EXD2: variants seen among roughly 807,000 people sequenced by gnomAD.
EXD2 encodes exonuclease 3'-5' domain containing 2.
In EXD2, 40 loss-of-function variants were observed where a neutral mutation model predicts 62.5. The ratio of observed to expected loss-of-function variants is 0.64; its 90% CI spans 0.50 to 0.83. The LOEUF (loss-of-function observed/expected upper bound fraction) is 0.83. Ranked by LOEUF, EXD2 falls within the 40% of genes least tolerant of loss-of-function variation. The pLI is 0.00. For synonymous variants in EXD2, 239 were observed against 291.9 expected (o/e 0.82, Z 1.85); for missense variants, 671 against 761.8 (o/e 0.88, Z 1.40).
At chr14:69,233,752 T>C (rs1047450862) in intron 5 of EXD2, among the ~76,000 whole-genome samples, 6 of 151,298 alleles carry the variant, frequency 4.0e-5, no homozygotes, top group Non-Finnish European at 7.4e-5. Flanking sequence ...AATTTTAGTT[T>C]TGACCACGCT....
intron 1 of EXD2, among the ~76,000 whole-genome samples, chr14:69,198,730 A>C (rs948833938): frequency 3.3e-5 from 5 of 152,218 alleles, no homozygotes; most frequent in Admixed American, 6.5e-5. Flanking sequence ...TGTTCTGTGA[A>C]ATGTGTCATT....
chr14:69,211,366 A>G (rs1036575330), intron 3 of EXD2, among the ~76,000 whole-genome samples: 1 of 151,672 alleles, frequency 6.6e-6, no homozygotes, highest in Non-Finnish European at 1.5e-5. Flanking sequence ...GTTTAATAAC[A>G]TCTTCAGGTT....
intron 3 of EXD2, among the ~76,000 whole-genome samples, chr14:69,226,417 G>A (rs1019074165): frequency 2.0e-5 from 3 of 152,310 alleles, no homozygotes. Flanking sequence ...TCTTTTGTGA[G>A]TTAGATCATG....
chr14:69,237,512 C>T, intron 8 of EXD2, 63 bp from the exon 9 acceptor site: 1 of 1,498,276 alleles, frequency 6.7e-7, no homozygotes, highest in East Asian at 2.3e-5. Context: ...AGCCTGTCTG[C>T]TGTCTTCCCA....
intron 3 of EXD2, among the ~76,000 whole-genome samples, chr14:69,210,632 G>T (rs2042775116): frequency 6.6e-6 from 1 of 152,100 alleles, no homozygotes; most frequent in Non-Finnish European, 1.5e-5. Context: ...GGTCAGCATA[G>T]CGAGACTCCA....
At chr14:69,217,004 C>A (rs2043007785) in intron 3 of EXD2, among the ~76,000 whole-genome samples, 1 of 152,150 alleles carries the variant, frequency 6.6e-6, no homozygotes, top group East Asian at 1.9e-4. Flanking sequence ...CTCCTCCCAA[C>A]CATCCTGGCC....
At chr14:69,227,100 A>G (rs1193680340) in intron 3 of EXD2, among the ~76,000 whole-genome samples, 1 of 152,190 alleles carries the variant, frequency 6.6e-6, no homozygotes, top group Admixed American at 6.5e-5. Flanking sequence ...AGAGTTTCTC[A>G]GCCTCCCCGC....
chr14:69,213,537 ATTTTTT>A (rs746653694), intron 3 of EXD2, among the ~76,000 whole-genome samples: 68 of 76,536 alleles, frequency 8.9e-4, no homozygotes, highest in Non-Finnish European at 2.3e-4. Context: ...CACCTGGATA[ATTTTTT>A]TTTTTTTTTT....
chr14:69,201,117 CT>C (rs1389248201), intron 1 of EXD2, among the ~76,000 whole-genome samples: 5 of 151,756 alleles, frequency 3.3e-5, no homozygotes, highest in Admixed American at 6.6e-5. Flanking sequence ...AGTTTACATC[CT>C]TTTTTTGTAG....
intron 1 of EXD2, among the ~76,000 whole-genome samples, chr14:69,201,506 A>G (rs1266013892): frequency 6.6e-6 from 1 of 151,868 alleles, no homozygotes; most frequent in Admixed American, 6.6e-5. Context: ...ACAGTTGTTT[A>G]AATGTTTCAC....
rs577123509 is a variant in EXD2, at chr14:69,227,602, C to T, written c.334-1214C>T. Among the ~76,000 whole-genome samples the T allele has an allele frequency of 1.4e-3, 212 of 152,272 alleles. 5 individuals carry two copies. In the South Asian group the frequency reaches 0.028, roughly 20 times the overall value. On this transcript the variant is annotated intron_variant, in intron 3 of 9. Transcript: ENST00000685843. ...GTGGCTCATGCCTGTAATCCCAGCA[C>T]TCTGGAAGGCCGAGGCAGAAGGATC... is the stretch of plus-strand genomic sequence containing the variant.
Position 69,237,924 on chromosome 14 carries a change from G to C in EXD2, c.1642G>C (p.Glu548Gln). The change falls in exon 9 of 10, where the codon GAG becomes CAG. Residue 548 changes from glutamate (E) to glutamine (Q), a missense_variant. Glu to Gln is a conservative substitution (Grantham distance 29). Coordinates refer to ENST00000685843, the MANE Select transcript of EXD2 (RefSeq NM_001193360.2). Reference sequence around the variant, plus strand: ...GATGCTTCAAGAGGCTGCCAGCCTGGAGACCAGGTACAAAGCACAGGAATT... The same window carrying C: ...GATGCTTCAAGAGGCTGCCAGCCTGCAGACCAGGTACAAAGCACAGGAATT... ...EEMLQEAASL[E>Q]TRISNENYVP... 1.9e-6 allele frequency: 3 copies of C among 1,556,866 alleles called. No individual in the cohort carries two copies. Among genetic ancestry groups the C allele is most frequent in the South Asian group, 2.5e-5 (2 of 80,154 alleles).
chr14:69,223,473 A>G (rs2043256568), intron 3 of EXD2, among the ~76,000 whole-genome samples: 1 of 152,242 alleles, frequency 6.6e-6, no homozygotes, highest in Non-Finnish European at 1.5e-5. Flanking sequence ...AACAGACAGT[A>G]TATGTTAAAT....
In EXD2 at chr14:69,243,188, T is replaced by C. The variant is rs1283903754; in HGVS notation, c.*2088T>C. The C allele has an allele frequency of 1.3e-5, 2 of 152,208 alleles. No individual in the cohort carries two copies. Among genetic ancestry groups the C allele is most frequent in the Non-Finnish European group, 2.9e-5 (2 of 68,032 alleles). 9.4% of individuals were successfully genotyped at this position (152,208 alleles called of 1,614,324 possible). ...AGTCTGCTTTGAACTTTAGCAGGCTTTTCCTAAGACTGACAATTGTCGTCT... is the reference window on the plus strand; with the variant it reads ...AGTCTGCTTTGAACTTTAGCAGGCTCTTCCTAAGACTGACAATTGTCGTCT... On this transcript the variant is annotated 3_prime_UTR_variant, in exon 10 of 10. Coordinates refer to ENST00000685843, the MANE Select transcript of EXD2 (RefSeq NM_001193360.2).
chr14:69,236,043 C>T lies in EXD2; in HGVS notation c.1050-3C>T. The T allele has an allele frequency of 6.2e-7, 1 of 1,611,494 alleles. No individual in the cohort carries two copies. The highest frequency in any genetic ancestry group is 8.5e-7 in the Non-Finnish European group (1 of 1,177,570). ...TTGAGATTTCTCTTTCCTTTCCCTG[C>T]AGAAAATCACCTCTTTATGATAACT... On this transcript the variant is annotated splice_polypyrimidine_tract_variant and splice_region_variant and intron_variant, in intron 6 of 9. Transcript: ENST00000685843.
At chr14:69,202,418 C>G (rs2042440117) in intron 1 of EXD2, among the ~76,000 whole-genome samples, 1 of 152,144 alleles carries the variant, frequency 6.6e-6, no homozygotes, top group Non-Finnish European at 1.5e-5. Context: ...CCACTCTTTC[C>G]TCAAGTCCAA....
In EXD2 at chr14:69,243,691, A is replaced by G. The variant is rs537577551; in HGVS notation, c.*2591A>G. ...GGAATCTTAGAATTGGACTGTGAAG[A>G]GGGGGATTCACATTGCTGGGGCTAA... On this transcript the variant is annotated 3_prime_UTR_variant, in exon 10 of 10. Coordinates refer to ENST00000685843, the MANE Select transcript of EXD2 (RefSeq NM_001193360.2). 4.6e-5 allele frequency: 7 copies of G among 152,320 alleles called. No individual in the cohort carries two copies. The South Asian group carries it at 1.4e-3, about 32-fold the overall frequency. The allele number at this position is 152,320 out of a possible 1,614,324, so 9.4% of individuals were successfully genotyped here.
chr14:69,201,781 C>G (rs2140204289), intron 1 of EXD2, among the ~76,000 whole-genome samples: 1 of 140,992 alleles, frequency 7.1e-6, no homozygotes, highest in Admixed American at 7.6e-5. Flanking sequence ...CTCCCGGGTT[C>G]AAGCGATTCT....
At chr14:69,205,427 C>A (rs1239610695) in intron 2 of EXD2, among the ~76,000 whole-genome samples, 1 of 152,072 alleles carries the variant, frequency 6.6e-6, no homozygotes, top group African/African-American at 2.4e-5. Flanking sequence ...AATTCATTAA[C>A]TCTTTCTGTA....
Sources: allele counts gnomAD v4.1 joint callset (sites outside exome capture counted in the v4.1 genomes callset), GRCh38; gene constraint gnomAD v4.1.1; transcripts MANE v1.5; gene names NCBI Gene and HGNC (gene_info 2026-07-23, HGNC 2026-07-21).